RIMS1: variants seen among roughly 807,000 people sequenced by gnomAD.
RIMS1 encodes the protein regulating synaptic membrane exocytosis protein 1.
A neutral mutation model predicts 214.1 loss-of-function variants in RIMS1; 83 were observed. That is an observed-to-expected ratio of 0.39 (90% CI 0.32 to 0.47). The LOEUF (loss-of-function observed/expected upper bound fraction) is 0.47, where lower values mean the gene tolerates loss of function less well. Among genes scored for constraint, RIMS1 ranks in the 20% least tolerant of loss-of-function variants. RIMS1 has a pLI of 0.99. For synonymous variants in RIMS1, 793 were observed against 786.8 expected (o/e 1.01, Z -0.13); for missense variants, 2,050 against 2,161.8 (o/e 0.95, Z 1.03).
rs571877023 is a variant in RIMS1 at position 72,340,957 on chromosome 6, G to A, written c.4366+7122G>A. On this transcript the variant is annotated intron_variant, in intron 29 of 33. Transcript: ENST00000521978. ...ATTTGTTTGTATCCTCTTTTATTTC[G>A]TTGAGCAGTGGTTTGTAGTTCTCCT... Among the ~76,000 whole-genome samples, 916 of 151,508 alleles carry A rather than the reference G, an allele frequency of 6.0e-3. 8 individuals carry two copies. Among genetic ancestry groups the A allele is most frequent in the African/African-American group, 0.021 (878 of 41,336 alleles).
intron 1 of RIMS1, among the ~76,000 whole-genome samples, chr6:71,926,034 T>C (rs1300854830): frequency 6.6e-6 from 1 of 152,192 alleles, no homozygotes; most frequent in Non-Finnish European, 1.5e-5. Context: ...TCTCCCCATT[T>C]CAACCGTTAC....
chr6:72,399,144 ATACAT>A (rs753850181), intron 33 of RIMS1, 50 bp downstream of exon 33: 1 of 1,466,124 alleles, frequency 6.8e-7, no homozygotes. Flanking sequence ...TGTTTTACCC[ATACAT>A]CGAAGAGATG....
chr6:72,004,861 G>A (rs1258521643), intron 2 of RIMS1, among the ~76,000 whole-genome samples: 7 of 151,862 alleles, frequency 4.6e-5, no homozygotes, highest in African/African-American at 1.7e-4. Flanking sequence ...CTGTGCAGAA[G>A]CTCTTTAGTT....
chr6:71,898,113 A>G (rs904825925), intron 1 of RIMS1, among the ~76,000 whole-genome samples: 1 of 152,152 alleles, frequency 6.6e-6, no homozygotes, highest in Non-Finnish European at 1.5e-5. Flanking sequence ...TAGGTTTTTG[A>G]AAGACAGCAT....
intron 2 of RIMS1, among the ~76,000 whole-genome samples, chr6:71,998,594 TA>T (rs752850229): frequency 5.9e-5 from 9 of 152,190 alleles, no homozygotes; most frequent in African/African-American, 1.2e-4. Flanking sequence ...CTTTGCTGAA[TA>T]AAAGGCTAAA....
intron 6 of RIMS1, among the ~76,000 whole-genome samples, chr6:72,197,502 C>A (rs183013313): frequency 5.5e-4 from 84 of 152,208 alleles, no homozygotes; most frequent in African/African-American, 1.9e-3. Context: ...CACCCAAACA[C>A]ACAAATATTC....
intron 1 of RIMS1, among the ~76,000 whole-genome samples, chr6:71,906,801 T>C (rs965461540): frequency 1.3e-5 from 2 of 152,152 alleles, no homozygotes; most frequent in Admixed American, 6.6e-5. Context: ...AGGATAACAA[T>C]GGTAATATAT....
At chr6:72,097,417 A>G (rs980564902) in intron 3 of RIMS1, among the ~76,000 whole-genome samples, 1 of 152,232 alleles carries the variant, frequency 6.6e-6, no homozygotes, top group African/African-American at 2.4e-5. Context: ...ACCTGTGAGA[A>G]TTCATTTGGT....
intron 8 of RIMS1, 44 bp from the exon 9 acceptor site, chr6:72,237,779 T>G: frequency 3.0e-6 from 4 of 1,345,256 alleles, no homozygotes; most frequent in Non-Finnish European, 4.3e-6. Context: ...TAAGCTTATG[T>G]TTTAGTATGA....
At chr6:72,231,968 G>T (rs1408289756) in intron 6 of RIMS1, among the ~76,000 whole-genome samples, 1 of 151,644 alleles carries the variant, frequency 6.6e-6, no homozygotes, top group African/African-American at 2.4e-5. Flanking sequence ...GAAGAATCCT[G>T]AGGAGTAGTT....
At chr6:71,965,695 G>C (rs995752748) in intron 1 of RIMS1, among the ~76,000 whole-genome samples, 2 of 152,188 alleles carry the variant, frequency 1.3e-5, no homozygotes, top group South Asian at 2.1e-4. Flanking sequence ...TCAGTGATGA[G>C]GGAATGCTCA....
chr6:72,192,181 A>G (rs1380745043), intron 6 of RIMS1, among the ~76,000 whole-genome samples: 1 of 152,138 alleles, frequency 6.6e-6, no homozygotes, highest in Non-Finnish European at 1.5e-5. Flanking sequence ...AAACTCCATT[A>G]ATTACCTGAC....
At chr6:71,914,546 T>C (rs1777794311) in intron 1 of RIMS1, among the ~76,000 whole-genome samples, 1 of 152,170 alleles carries the variant, frequency 6.6e-6, no homozygotes, top group African/African-American at 2.4e-5. Flanking sequence ...TATTCTTAGA[T>C]GTTTATGTTA....
chr6:72,295,212 A>T (rs1015115691), intron 26 of RIMS1, among the ~76,000 whole-genome samples: 4 of 151,786 alleles, frequency 2.6e-5, no homozygotes, highest in Non-Finnish European at 4.4e-5. Flanking sequence ...CTTCAGAAAT[A>T]CAGAAACAGG....
At chr6:72,193,517 A>G (rs1177051349) in intron 6 of RIMS1, among the ~76,000 whole-genome samples, 3 of 152,212 alleles carry the variant, frequency 2.0e-5, no homozygotes, top group African/African-American at 7.2e-5. Context: ...CTTATTTCAA[A>G]CTTAATTAGA....
In RIMS1 at chr6:72,242,360, A is replaced by C; in HGVS notation, c.2004A>C (p.Thr668=). Residue 668 remains threonine, a synonymous_variant, in exon 10 of 34, where the codon ACA becomes ACC. Coordinates refer to ENST00000521978, the MANE Select transcript of RIMS1 (RefSeq NM_014989.7). Reference sequence around the variant, plus strand: ...ATGGTAAACCCCTGCCGGGAGCTACAAATGAAGAAGTTTACAACATTATTT... The same window carrying C: ...ATGGTAAACCCCTGCCGGGAGCTACCAATGAAGAAGTTTACAACATTATTT... ...EWNGKPLPGA[T]NEEVYNIILE... 6.4e-7 allele frequency: 1 copy of C among 1,564,774 alleles called. No homozygotes were observed. Among genetic ancestry groups the C allele is most frequent in the Non-Finnish European group, 8.7e-7 (1 of 1,152,326 alleles).
chr6:71,974,330 A>G (rs1230600814), intron 2 of RIMS1, among the ~76,000 whole-genome samples: 1 of 152,044 alleles, frequency 6.6e-6, no homozygotes, highest in African/African-American at 2.4e-5. Flanking sequence ...TAAGTGTGTT[A>G]AAGAGGGAGA....
At position 71,995,115 on chromosome 6, in the gene RIMS1, GAA is replaced by G. The variant is rs1802992943; in HGVS notation, c.245+26055_245+26056del. ...AGGGTGAGCCATGTTTCTCTGGGAAGAAAAGACATGTGATGTAGGGGAGGTCC... is the reference window on the plus strand; with the variant it reads ...AGGGTGAGCCATGTTTCTCTGGGAAGAAGACATGTGATGTAGGGGAGGTCC... On this transcript the variant is annotated intron_variant, in intron 2 of 33. Transcript: ENST00000521978. 2.6e-5 allele frequency among the ~76,000 whole-genome samples: 4 copies of G among 152,188 alleles called. No homozygotes were observed. In the South Asian group the frequency reaches 8.3e-4, roughly 32 times the overall value.
chr6:72,277,597 A>G (rs940486740), intron 23 of RIMS1, among the ~76,000 whole-genome samples: 8 of 152,116 alleles, frequency 5.3e-5, no homozygotes, highest in Middle Eastern at 3.4e-3. Flanking sequence ...AAAAAAAAGA[A>G]TATTTTCTAG....
Sources: gnomAD v4.1 joint callset for allele counts (sites outside exome capture counted in the v4.1 genomes callset) on GRCh38, gnomAD v4.1.1 for gene constraint, MANE v1.5 for transcripts, NCBI Gene and HGNC (gene_info 2026-07-23, HGNC 2026-07-21) for gene names.